FRMD4A: variants seen among roughly 807,000 people sequenced by gnomAD.
FRMD4A encodes the protein FERM domain-containing protein 4A.
In FRMD4A, 29 loss-of-function variants were observed where a neutral mutation model predicts 129.1. That is an observed-to-expected ratio of 0.22 (90% CI 0.17 to 0.31). FRMD4A has a LOEUF of 0.31. Among genes scored for constraint, FRMD4A ranks in the 10% least tolerant of loss-of-function variants. The probability of loss-of-function intolerance (pLI) is 1.00; values close to 1 mark genes in which losing one functional copy is unlikely to be tolerated. For missense variants in FRMD4A, 1,272 were observed against 1,375.8 expected, an observed-to-expected ratio of 0.92 and a Z score of 1.19; for synonymous variants, 634 against 571.6, an observed-to-expected ratio of 1.11 and a Z score of -1.56.
chr10:14,324,062 G>C (rs1175389855), intron 2 of FRMD4A, among the ~76,000 whole-genome samples: 2 of 152,130 alleles, frequency 1.3e-5, no homozygotes, highest in Non-Finnish European at 2.9e-5. Context: ...AGACTCCCTG[G>C]TCACATCAGT....
intron 2 of FRMD4A, among the ~76,000 whole-genome samples, chr10:14,239,143 A>G (rs1843939184): frequency 1.3e-5 from 2 of 152,284 alleles, no homozygotes; most frequent in South Asian, 4.1e-4. Context: ...GAGATGCCTG[A>G]CTTTACTTTT....
At chr10:13,814,634 A>G (rs576233250) in intron 3 of FRMD4A, among the ~76,000 whole-genome samples, 1 of 150,984 alleles carries the variant, frequency 6.6e-6, no homozygotes, top group Admixed American at 6.6e-5. Flanking sequence ...GAGAGAGAAA[A>G]AAAAGAAAGA....
intron 3 of FRMD4A, among the ~76,000 whole-genome samples, chr10:13,836,092 G>T (rs1588960832): frequency 6.6e-6 from 1 of 152,162 alleles, no homozygotes; most frequent in Non-Finnish European, 1.5e-5. Context: ...CTGCCTCCCG[G>T]GTTCAAGGGA....
At chr10:14,215,481 T>A (rs901639651) in intron 2 of FRMD4A, among the ~76,000 whole-genome samples, 1 of 152,202 alleles carries the variant, frequency 6.6e-6, no homozygotes, top group African/African-American at 2.4e-5. Flanking sequence ...TGGCTTCCTT[T>A]TTTACTGTAA....
At chr10:14,089,473 G>A (rs1836506753) in intron 2 of FRMD4A, among the ~76,000 whole-genome samples, 1 of 151,992 alleles carries the variant, frequency 6.6e-6, no homozygotes. Flanking sequence ...CAGCATGCTG[G>A]GCACAGGGCC....
intron 2 of FRMD4A, among the ~76,000 whole-genome samples, chr10:14,105,028 C>T (rs980089707): frequency 1.2e-4 from 18 of 152,232 alleles, no homozygotes; most frequent in African/African-American, 4.3e-4. Flanking sequence ...CGCCGCAGGG[C>T]CCTTCCATCA....
At chr10:14,018,455 C>CA (rs71388151) in intron 2 of FRMD4A, among the ~76,000 whole-genome samples, 7,231 of 59,296 alleles carry the variant, frequency 0.12, 1,088 homozygotes, top group East Asian at 0.32. Context: ...GACTCCATCT[C>CA]AAAAAAAAAA....
chr10:14,243,281 TG>T (rs139776325), intron 2 of FRMD4A, among the ~76,000 whole-genome samples: 1 of 152,154 alleles, frequency 6.6e-6, no homozygotes, highest in Non-Finnish European at 1.5e-5. Flanking sequence ...GATTGGATCA[TG>T]GGGGCGGTTT....
At chr10:13,732,087 C>T (rs1203437701) in intron 12 of FRMD4A, among the ~76,000 whole-genome samples, 2 of 152,124 alleles carry the variant, frequency 1.3e-5, no homozygotes, top group South Asian at 2.1e-4. Flanking sequence ...GTCCAGGTAG[C>T]AGAGTGTGGG....
chr10:13,776,042 A>G (rs993090306), intron 6 of FRMD4A, among the ~76,000 whole-genome samples: 27 of 152,208 alleles, frequency 1.8e-4, no homozygotes, highest in African/African-American at 6.5e-4. Flanking sequence ...TTATGCTATC[A>G]CCATACTAAG....
intron 2 of FRMD4A, among the ~76,000 whole-genome samples, chr10:13,957,787 C>T (rs1002837520): frequency 1.3e-5 from 2 of 152,096 alleles, no homozygotes; most frequent in African/African-American, 4.8e-5. Context: ...TTTATTGTGT[C>T]CTTGTATCTT....
intron 2 of FRMD4A, among the ~76,000 whole-genome samples, chr10:13,860,400 T>C (rs1224031190): frequency 6.6e-6 from 1 of 152,260 alleles, no homozygotes; most frequent in Admixed American, 6.5e-5. Flanking sequence ...CCCACATTCC[T>C]GAAAATGTAG....
At chr10:13,936,114 T>TG (rs2095247255) in intron 2 of FRMD4A, among the ~76,000 whole-genome samples, 1 of 152,220 alleles carries the variant, frequency 6.6e-6, no homozygotes, top group South Asian at 2.1e-4. Context: ...TAAACAAAAG[T>TG]GGATATAATT....
chr10:13,765,119 T>G (rs1428309525), intron 6 of FRMD4A, among the ~76,000 whole-genome samples: 8 of 148,070 alleles, frequency 5.4e-5, no homozygotes, highest in African/African-American at 7.5e-5. Flanking sequence ...TTTTTGTTTT[T>G]TTTTTTTTTT....
At chr10:13,777,704 G>A (rs1458099199) in intron 6 of FRMD4A, among the ~76,000 whole-genome samples, 2 of 151,790 alleles carry the variant, frequency 1.3e-5, no homozygotes, top group Non-Finnish European at 1.5e-5. Flanking sequence ...GAGGCCTTCA[G>A]TGCCAGCTCA....
intron 2 of FRMD4A, among the ~76,000 whole-genome samples, chr10:13,933,185 G>T (rs1297192331): frequency 6.6e-6 from 1 of 152,086 alleles, no homozygotes; most frequent in Admixed American, 6.5e-5. Context: ...TACTAAGGCA[G>T]GAAAATAGGG....
Position 13,707,626 on chromosome 10 carries a change from G to A in FRMD4A, c.760-513C>T, listed in dbSNP as rs1000733725. On this transcript the variant is annotated intron_variant, in intron 12 of 24. Transcript: ENST00000357447. Reference sequence around the variant, plus strand: ...GCGTTCAAATTCCCAGCCTCCCATCGGGACTCCACTTCCTGCTCACTAATG... The same window carrying A: ...GCGTTCAAATTCCCAGCCTCCCATCAGGACTCCACTTCCTGCTCACTAATG... The A allele has an allele frequency of 3.0e-6, 3 of 988,544 alleles. No individual in the cohort carries two copies. In the African/African-American group the frequency reaches 5.2e-5, roughly 17 times the overall value. The allele number at this position is 988,544 out of a possible 1,614,324, so 61.2% of individuals were successfully genotyped here. A position where few individuals can be genotyped will look rare whatever the true frequency, so the allele number is the denominator to read the frequency against.
chr10:13,748,306 G>A (rs891709779), intron 8 of FRMD4A, among the ~76,000 whole-genome samples: 6 of 152,200 alleles, frequency 3.9e-5, no homozygotes, highest in Non-Finnish European at 8.8e-5. Context: ...CATGGCTTAC[G>A]TTGACCACAT....
In FRMD4A at chr10:14,097,939, C is replaced by CATATATTATATACAAATTAT. The variant is rs1290962174; in HGVS notation, c.45+232099_45+232118dup. On this transcript the variant is annotated intron_variant, in intron 2 of 24. Coordinates refer to ENST00000357447, the MANE Select transcript of FRMD4A (RefSeq NM_018027.5). The stretch of plus-strand genomic sequence containing the variant: ...AATTATATATAAAAATTGTATATTA[C>CATATATTATATACAAATTAT]ATATATTATATACAAATTATATATA... Among the ~76,000 whole-genome samples the CATATATTATATACAAATTAT allele has an allele frequency of 6.3e-5, 9 of 142,468 alleles. No homozygotes were observed. The South Asian group carries it at 6.4e-4, about 10-fold the overall frequency. The allele number at this position is 142,468 out of a possible 152,430, so 93.5% of individuals were successfully genotyped here.
Sources: gnomAD v4.1 joint callset for allele counts (sites outside exome capture counted in the v4.1 genomes callset) on GRCh38, gnomAD v4.1.1 for gene constraint, MANE v1.5 for transcripts, NCBI Gene and HGNC (gene_info 2026-07-23, HGNC 2026-07-21) for gene names.